Variants in RASA1 observed in about 807,000 individuals in gnomAD.
RASA1 encodes the protein RAS p21 protein activator 1, also known as ras GTPase-activating protein 1.
RASA1 carries 25 observed loss-of-function variants against 132.2 expected under a neutral mutation model. The observed-to-expected ratio is 0.19, with a 90% CI of 0.14 to 0.26. The LOEUF (loss-of-function observed/expected upper bound fraction) is 0.26, where lower values mean the gene tolerates loss of function less well. Among genes scored for constraint, RASA1 ranks in the 10% least tolerant of loss-of-function variants. The pLI is 1.00. For missense variants in RASA1, 964 were observed against 1,299.2 expected (o/e 0.74, Z 3.97); for synonymous variants, 477 against 449.9 (o/e 1.06, Z -0.76).
At chr5:87,330,320 A>G (rs1262777398) in intron 1 of RASA1, among the ~76,000 whole-genome samples, 3 of 152,108 alleles carry the variant, frequency 2.0e-5, no homozygotes, top group Non-Finnish European at 4.4e-5. Context: ...CTTATATATT[A>G]TATAAAATAC....
rs564906280 is a variant in RASA1, at chr5:87,333,750, T to C, written c.899+413T>C. On this transcript the variant is annotated intron_variant, in intron 4 of 24. Coordinates refer to ENST00000274376, the MANE Select transcript of RASA1 (RefSeq NM_002890.3). ...AACTATGCAACATGTTAGTTTGTGG[T>C]TTTATTTCTATATAATTATATAATT... is the stretch of plus-strand genomic sequence containing the variant. Among the ~76,000 whole-genome samples the C allele has an allele frequency of 2.6e-5, 4 of 152,268 alleles. No individual in the cohort carries two copies. The South Asian group carries it at 8.3e-4, about 32-fold the overall frequency.
At chr5:87,354,144 G>T (rs1024978619) in intron 9 of RASA1, among the ~76,000 whole-genome samples, 2 of 151,914 alleles carry the variant, frequency 1.3e-5, no homozygotes, top group Non-Finnish European at 2.9e-5. Context: ...GTGGGGGGTG[G>T]GGTGGGAGGT....
intron 1 of RASA1, among the ~76,000 whole-genome samples, chr5:87,308,081 A>T (rs1178007351): frequency 6.6e-6 from 1 of 152,090 alleles, no homozygotes; most frequent in East Asian, 1.9e-4. Context: ...CCTGTGGTTC[A>T]GTTCTCTGTT....
At chr5:87,298,368 A>G (rs1755212102) in intron 1 of RASA1, among the ~76,000 whole-genome samples, 1 of 150,312 alleles carries the variant, frequency 6.7e-6, no homozygotes, top group Non-Finnish European at 1.5e-5. Flanking sequence ...TAGATCGTAC[A>G]TGCCACTGCA....
At chr5:87,335,614 T>C (rs1757918828) in intron 4 of RASA1, among the ~76,000 whole-genome samples, 1 of 151,666 alleles carries the variant, frequency 6.6e-6, no homozygotes, top group East Asian at 2.0e-4. Context: ...TTAGTAGAGA[T>C]GGGGTTTCAC....
rs779403478 is a variant in RASA1 at position 87,374,145 on chromosome 5, A to G, written c.1777-18A>G. On this transcript the variant is annotated intron_variant, in intron 13 of 24. Coordinates refer to ENST00000274376, the MANE Select transcript of RASA1 (RefSeq NM_002890.3). Reference sequence around the variant, plus strand: ...GAAATCTGGGGTAATATATATATATATATTTTTTTTTTTTTAGGTCAGCAG... The same window carrying G: ...GAAATCTGGGGTAATATATATATATGTATTTTTTTTTTTTTAGGTCAGCAG... 8 of 1,348,460 alleles carry G rather than the reference A, an allele frequency of 5.9e-6. No individual in the cohort carries two copies. Among genetic ancestry groups the G allele is most frequent in the Admixed American group, 2.7e-5 (1 of 36,454 alleles). The allele number at this position is 1,348,460 out of a possible 1,614,324, so 83.5% of individuals were successfully genotyped here.
chr5:87,380,299 A>G (rs578023361), intron 19 of RASA1, among the ~76,000 whole-genome samples: 12 of 152,162 alleles, frequency 7.9e-5, no homozygotes, highest in Admixed American at 2.6e-4. Context: ...AATGTCAGGA[A>G]GTTGACTGAA....
At chr5:87,348,465 G>T (rs2112419315) in intron 7 of RASA1, among the ~76,000 whole-genome samples, 1 of 152,006 alleles carries the variant, frequency 6.6e-6, no homozygotes, top group Non-Finnish European at 1.5e-5. Context: ...TAAAATTAAT[G>T]TCATATTTAA....
chr5:87,279,511 G>T (rs1754219012), intron 1 of RASA1, among the ~76,000 whole-genome samples: 1 of 152,082 alleles, frequency 6.6e-6, no homozygotes, highest in Non-Finnish European at 1.5e-5. Context: ...ATTTCTGTCA[G>T]TTAAGTCCCC....
intron 9 of RASA1, among the ~76,000 whole-genome samples, chr5:87,355,205 A>G (rs1179279747): frequency 6.6e-6 from 1 of 152,218 alleles, no homozygotes; most frequent in Non-Finnish European, 1.5e-5. Flanking sequence ...ACATCCTTCT[A>G]TCTGAAAATA....
Position 87,376,458 on chromosome 5 carries a change from A to G in RASA1, c.2077A>G (p.Ser693Gly), listed in dbSNP as rs749936964. Residue 693 changes from serine (S) to glycine (G), a missense_variant, in exon 16 of 25, where the codon AGC (serine) becomes GGC (glycine). Ser to Gly is a moderately conservative substitution (Grantham distance 56, BLOSUM62 0). Transcript: ENST00000274376. The part of the protein sequence containing the change: ...GHATDEWFLL[S>G]SHIPLKGIEP... ...TGCCACAGATGAATGGTTTCTGCTC[A>G]GCTCCCATATACCATTAAAAGGTAT... The G allele has an allele frequency of 3.7e-6, 6 of 1,613,942 alleles. No homozygotes were observed. In the Admixed American group the frequency reaches 8.3e-5, roughly 22 times the overall value.
chr5:87,376,026 T>C (rs1032242209), intron 15 of RASA1, among the ~76,000 whole-genome samples: 1 of 152,188 alleles, frequency 6.6e-6, no homozygotes, highest in Non-Finnish European at 1.5e-5. Context: ...CTGTTTAAAG[T>C]GGAGTTTTCA....
chr5:87,286,550 A>G (rs556230680), intron 1 of RASA1, among the ~76,000 whole-genome samples: 106 of 152,184 alleles, frequency 7.0e-4, no homozygotes, highest in African/African-American at 2.5e-3. Flanking sequence ...TACTTGTGAT[A>G]CAATTCTATT....
intron 8 of RASA1, among the ~76,000 whole-genome samples, chr5:87,350,394 T>C (rs928650030): frequency 6.6e-6 from 1 of 151,896 alleles, no homozygotes; most frequent in Non-Finnish European, 1.5e-5. Flanking sequence ...AATTCCAGTT[T>C]TCTGGAGATT....
intron 21 of RASA1, 60 bp from the exon 22 acceptor site, chr5:87,385,241 T>C (rs1173612598): frequency 6.7e-6 from 7 of 1,045,620 alleles, no homozygotes; most frequent in Non-Finnish European, 6.0e-6. Flanking sequence ...AAATTTATAA[T>C]GGTTTAGCTG....
intron 1 of RASA1, among the ~76,000 whole-genome samples, chr5:87,282,284 C>T (rs1224848532): frequency 1.3e-5 from 2 of 152,104 alleles, no homozygotes; most frequent in South Asian, 2.1e-4. Context: ...TTCCTTTTGC[C>T]TGTAAATGTC....
At chr5:87,356,500 C>T (rs2112440149) in intron 9 of RASA1, among the ~76,000 whole-genome samples, 1 of 152,096 alleles carries the variant, frequency 6.6e-6, no homozygotes, top group African/African-American at 2.4e-5. Flanking sequence ...AGCAATCCTC[C>T]TGCCTCAGGC....
chr5:87,349,380 T>C lies in RASA1; in HGVS notation c.1253+16T>C. 1 of 1,610,704 alleles carries C rather than the reference T, an allele frequency of 6.2e-7. No homozygotes were observed. Among genetic ancestry groups the C allele is most frequent in the Non-Finnish European group, 8.5e-7 (1 of 1,177,810 alleles). ...ATTATAACAGGTAAATCATAATTTTTTAGCTATCTTTTACTTTTCGCAAAA... is the reference window on the plus strand; with the variant it reads ...ATTATAACAGGTAAATCATAATTTTCTAGCTATCTTTTACTTTTCGCAAAA... On this transcript the variant is annotated intron_variant, in intron 8 of 24. Coordinates refer to ENST00000274376, the MANE Select transcript of RASA1 (RefSeq NM_002890.3).
intron 1 of RASA1, among the ~76,000 whole-genome samples, chr5:87,302,799 A>G (rs899799482): frequency 2.6e-5 from 4 of 151,684 alleles, no homozygotes; most frequent in African/African-American, 9.7e-5. Flanking sequence ...CTAACTTCTC[A>G]CATCCCAGAT....
Sources: allele counts gnomAD v4.1 joint callset (sites outside exome capture counted in the v4.1 genomes callset), GRCh38; gene constraint gnomAD v4.1.1; transcripts MANE v1.5; gene names NCBI Gene and HGNC (gene_info 2026-07-23, HGNC 2026-07-21).